The following CTTNBP2 variants were observed in gnomAD, a reference collection of about 807,000 sequenced individuals.
The protein encoded by CTTNBP2 is cortactin-binding protein 2.
CTTNBP2 carries 108 observed loss-of-function variants against 156.9 expected under a neutral mutation model. The ratio of observed to expected loss-of-function variants is 0.69; its 90% CI spans 0.59 to 0.81. The LOEUF (loss-of-function observed/expected upper bound fraction) is 0.81. Among genes scored for constraint, CTTNBP2 ranks in the 30% least tolerant of loss-of-function variants. The pLI is 0.00. For synonymous variants in CTTNBP2, 767 were observed against 751.8 expected (o/e 1.02, Z -0.33); for missense variants, 1,924 against 2,035.4 (o/e 0.95, Z 1.05).
Position 117,791,503 on chromosome 7 carries a change from C to T in CTTNBP2, c.1693G>A (p.Val565Ile), listed in dbSNP as rs1482767501. ...TPSPPHPQLK[V>I]IIDSSRASNT... ...GAGGCCCTGCTGCTGTCTATAATAA[C>T]CTTGAGTTGGGGGTGTGGTGGAGAA... Residue 565 changes from valine (V) to isoleucine (I), a missense_variant, in exon 4 of 23, where the codon GTT becomes ATT. Coordinates refer to ENST00000160373, the MANE Select transcript of CTTNBP2 (RefSeq NM_033427.3). 2.5e-6 allele frequency: 4 copies of T among 1,614,154 alleles called. No homozygotes were observed. In the East Asian group the frequency reaches 8.9e-5, roughly 36 times the overall value.
intron 1 of CTTNBP2, among the ~76,000 whole-genome samples, chr7:117,867,061 A>G (rs1208063479): frequency 6.6e-6 from 1 of 152,244 alleles, no homozygotes; most frequent in African/African-American, 2.4e-5. Context: ...TAGGTACATA[A>G]GAACATGCAC....
At chr7:117,740,281 T>TTTTTTTTTTTTTTTTTTTTTTTTTTG (rs1795924919) in intron 14 of CTTNBP2, among the ~76,000 whole-genome samples, 1 of 150,976 alleles carries the variant, frequency 6.6e-6, no homozygotes, top group African/African-American at 2.5e-5. Flanking sequence ...TTTAGATTCT[T>TTTTTTTTTTTTTTTTTTTTTTTTTTG]AAACCTAATT....
chr7:117,749,000 G>C (rs1203138346), intron 12 of CTTNBP2, among the ~76,000 whole-genome samples: 2 of 152,166 alleles, frequency 1.3e-5, no homozygotes, highest in Non-Finnish European at 2.9e-5. Context: ...CACTGAATCT[G>C]CTGGCCCCCT....
chr7:117,733,588 T>G (rs1795520714), intron 16 of CTTNBP2, among the ~76,000 whole-genome samples: 1 of 152,224 alleles, frequency 6.6e-6, no homozygotes, highest in South Asian at 2.1e-4. Flanking sequence ...CATTCGTCCT[T>G]CTTGTTGAGA....
At chr7:117,805,617 T>C (rs1461013638) in intron 3 of CTTNBP2, among the ~76,000 whole-genome samples, 1 of 152,246 alleles carries the variant, frequency 6.6e-6, no homozygotes, top group East Asian at 1.9e-4. Flanking sequence ...TTAAGCTCTC[T>C]GAATTTAATC....
chr7:117,724,821 A>G (rs1794999633), intron 18 of CTTNBP2, 89 bp from the exon 19 acceptor site: 3 of 1,424,802 alleles, frequency 2.1e-6, no homozygotes, highest in East Asian at 2.3e-5. Flanking sequence ...CGGACTGTTC[A>G]AAATAATGCA....
At chr7:117,715,795 T>C (rs1283036813) in intron 22 of CTTNBP2, 1 of 152,182 alleles carries the variant, frequency 6.6e-6, no homozygotes, top group Non-Finnish European at 1.5e-5. Flanking sequence ...AATGGAGGCA[T>C]TGCCAGCCTT....
rs1367030590 is a variant in CTTNBP2, at chr7:117,711,433, A to G, written c.*104T>C. Reference sequence around the variant, plus strand: ...TAGTGGTCCCGCACTCATAATTTATATTACAGTGAAAACATTTTATCAATT... The same window carrying G: ...TAGTGGTCCCGCACTCATAATTTATGTTACAGTGAAAACATTTTATCAATT... On this transcript the variant is annotated 3_prime_UTR_variant, in exon 23 of 23. Coordinates refer to ENST00000160373, the MANE Select transcript of CTTNBP2 (RefSeq NM_033427.3). 2 of 1,291,892 alleles carry G rather than the reference A, an allele frequency of 1.5e-6. No individual in the cohort carries two copies. Among genetic ancestry groups the G allele is most frequent in the Non-Finnish European group, 1.1e-6 (1 of 938,848 alleles). 80.0% of individuals were successfully genotyped at this position (1,291,892 alleles called of 1,614,324 possible).
chr7:117,810,420 T>G (rs570211870), intron 3 of CTTNBP2, among the ~76,000 whole-genome samples: 32 of 152,314 alleles, frequency 2.1e-4, no homozygotes, highest in African/African-American at 7.7e-4. Flanking sequence ...AGAGTCCTGG[T>G]TGCATCACTG....
At chr7:117,809,958 C>A (rs991114330) in intron 3 of CTTNBP2, among the ~76,000 whole-genome samples, 5 of 152,210 alleles carry the variant, frequency 3.3e-5, no homozygotes, top group Non-Finnish European at 7.3e-5. Context: ...TTCTCACTCT[C>A]TTTTCTAATA....
rs770136416 is a variant in CTTNBP2 at position 117,725,055 on chromosome 7, C to A, written c.4258G>T (p.Ala1420Ser). The change falls in exon 18 of 23, where the codon GCA becomes TCA. Residue 1420 changes from alanine (A) to serine (S), a missense_variant. Ala to Ser is a moderately conservative substitution (Grantham distance 99). Coordinates refer to ENST00000160373, the MANE Select transcript of CTTNBP2 (RefSeq NM_033427.3). ...AVLHGCPLPR[A>S]ELDQHTADFK... is the part of the protein sequence containing the mutation. ...CTCTCTGCAGAAACCCACATACCTG[C>A]TCTGGGGAGGGGACAGCCATGCAGT... is the stretch of plus-strand genomic sequence containing the variant. The A allele has an allele frequency of 6.2e-7, 1 of 1,612,232 alleles. No homozygotes were observed. The highest frequency in any genetic ancestry group is 8.5e-7 in the Non-Finnish European group (1 of 1,179,892).
chr7:117,870,847 G>T (rs910162456), intron 1 of CTTNBP2, among the ~76,000 whole-genome samples: 12 of 152,202 alleles, frequency 7.9e-5, no homozygotes, highest in Admixed American at 2.0e-4. Flanking sequence ...CTGTTACCCA[G>T]CCTTAAACTT....
At chr7:117,735,447 A>G (rs1225508459) in intron 14 of CTTNBP2, 26 bp from the exon 15 acceptor site, 1 of 1,574,972 alleles carries the variant, frequency 6.3e-7, no homozygotes, top group African/African-American at 1.4e-5. Context: ...AAATTCAGTG[A>G]TTCAAGCTTT....
At chr7:117,801,676 A>C (rs1257257730) in intron 3 of CTTNBP2, among the ~76,000 whole-genome samples, 6 of 152,160 alleles carry the variant, frequency 3.9e-5, no homozygotes, top group Non-Finnish European at 7.4e-5. Flanking sequence ...AGGAGTAAAA[A>C]ACCATATGTC....
intron 12 of CTTNBP2, among the ~76,000 whole-genome samples, chr7:117,747,219 A>T (rs1254217533): frequency 6.6e-6 from 1 of 152,152 alleles, no homozygotes; most frequent in East Asian, 1.9e-4. Flanking sequence ...TCTCTCTATA[A>T]TCTAGAACAG....
chr7:117,716,683 T>C (rs965650043), intron 22 of CTTNBP2, among the ~76,000 whole-genome samples: 2 of 152,156 alleles, frequency 1.3e-5, no homozygotes, highest in Non-Finnish European at 2.9e-5. Context: ...GCAGACATTA[T>C]GATAGAGTGA....
At chr7:117,825,729 C>T (rs1279063353) in intron 2 of CTTNBP2, among the ~76,000 whole-genome samples, 1 of 151,972 alleles carries the variant, frequency 6.6e-6, no homozygotes, top group Non-Finnish European at 1.5e-5. Flanking sequence ...AGTAATGTAC[C>T]TAAACCAGAA....
intron 2 of CTTNBP2, among the ~76,000 whole-genome samples, chr7:117,827,317 T>C (rs1166449644): frequency 6.6e-6 from 1 of 152,230 alleles, no homozygotes; most frequent in Non-Finnish European, 1.5e-5. Flanking sequence ...CAGGTACTGC[T>C]TTCATGTTTG....
chr7:117,839,467 G>A (rs1459325077), intron 2 of CTTNBP2, among the ~76,000 whole-genome samples: 1 of 143,106 alleles, frequency 7.0e-6, no homozygotes, highest in Admixed American at 7.1e-5. Flanking sequence ...TCTAGTCATA[G>A]CTAAGGGATC....
Sources: allele counts gnomAD v4.1 joint callset (sites outside exome capture counted in the v4.1 genomes callset), GRCh38; gene constraint gnomAD v4.1.1; transcripts MANE v1.5; gene names NCBI Gene and HGNC (gene_info 2026-07-23, HGNC 2026-07-21).